PCED1B: variants seen among roughly 807,000 people sequenced by gnomAD.
PCED1B encodes the protein PC-esterase domain-containing protein 1B.
For missense variants in PCED1B, 573 were observed against 573.9 expected (o/e 1.00, Z 0.02); for synonymous variants, 251 against 246.1 (o/e 1.02, Z -0.19).
chr12:47,206,552 G>A (rs544107503), intron 2 of PCED1B: 1 of 152,222 alleles, frequency 6.6e-6, no homozygotes, highest in Non-Finnish European at 1.5e-5. Context: ...GGTGTGTTTT[G>A]CTCCACCTCC....
intron 2 of PCED1B, among the ~76,000 whole-genome samples, chr12:47,148,736 G>A (rs1433190091): frequency 6.6e-6 from 1 of 152,182 alleles, no homozygotes; most frequent in Non-Finnish European, 1.5e-5. Context: ...GGAAGGAAAT[G>A]CACCCTTAGT....
intron 1 of PCED1B, 194 bp downstream of exon 1, chr12:47,079,919 C>T (rs1291640184): frequency 6.6e-6 from 1 of 151,526 alleles, no homozygotes; most frequent in Non-Finnish European, 1.5e-5. Flanking sequence ...GGTCCCACCC[C>T]TGCGCGTCCT....
intron 2 of PCED1B, among the ~76,000 whole-genome samples, chr12:47,168,466 T>C (rs527690697): frequency 3.3e-5 from 5 of 152,316 alleles, no homozygotes; most frequent in East Asian, 1.9e-4. Context: ...TTTTCCTTTT[T>C]AGGTCTATTT....
chr12:47,182,242 G>A (rs1942117440), intron 2 of PCED1B, among the ~76,000 whole-genome samples: 1 of 152,166 alleles, frequency 6.6e-6, no homozygotes, highest in Non-Finnish European at 1.5e-5. Context: ...GGACCTAGAA[G>A]AATTCACTGT....
intron 2 of PCED1B, among the ~76,000 whole-genome samples, chr12:47,134,188 C>T (rs1940249848): frequency 6.6e-6 from 1 of 152,166 alleles, no homozygotes; most frequent in African/African-American, 2.4e-5. Context: ...ACATCATGGG[C>T]ATTTTGTGTC....
At position 47,195,086 on chromosome 12, in the gene PCED1B, T is replaced by C. The variant is rs35210620; in HGVS notation, c.-525-21136T>C. Among the ~76,000 whole-genome samples, 1,451 of 152,114 alleles carry C rather than the reference T, an allele frequency of 9.5e-3. 10 individuals are homozygous for C. The highest frequency in any genetic ancestry group is 0.017 in the Admixed American group (256 of 15,268). On this transcript the variant is annotated intron_variant, in intron 2 of 3. Transcript: ENST00000546455. ...GTGGCTCACGCCTATAATCCCAGCATTTGGGAGGCGGAGGCGGGTGGATCA... is the reference window on the plus strand; with the variant it reads ...GTGGCTCACGCCTATAATCCCAGCACTTGGGAGGCGGAGGCGGGTGGATCA...
At chr12:47,117,535 C>T (rs1299730069) in intron 2 of PCED1B, among the ~76,000 whole-genome samples, 5 of 152,090 alleles carry the variant, frequency 3.3e-5, no homozygotes, top group Admixed American at 1.3e-4. Flanking sequence ...ACTCATCCTT[C>T]TTTATGGCTG....
At chr12:47,169,268 A>T (rs138249659) in intron 2 of PCED1B, among the ~76,000 whole-genome samples, 1 of 152,186 alleles carries the variant, frequency 6.6e-6, no homozygotes, top group African/African-American at 2.4e-5. Context: ...AGCAAGGCCT[A>T]TTTGTTTGAA....
At chr12:47,137,321 T>C (rs755680273) in intron 2 of PCED1B, among the ~76,000 whole-genome samples, 1 of 152,214 alleles carries the variant, frequency 6.6e-6, no homozygotes, top group African/African-American at 2.4e-5. Flanking sequence ...TCTTCAAATA[T>C]AGATGTGATT....
intron 1 of PCED1B, among the ~76,000 whole-genome samples, chr12:47,101,878 G>A (rs1262624011): frequency 2.6e-5 from 4 of 151,982 alleles, no homozygotes; most frequent in Non-Finnish European, 4.4e-5. Context: ...CCCAGGAGGC[G>A]GAGGTTGCAG....
chr12:47,190,021 C>A (rs1460211589), intron 2 of PCED1B, among the ~76,000 whole-genome samples: 1 of 152,160 alleles, frequency 6.6e-6, no homozygotes, highest in African/African-American at 2.4e-5. Flanking sequence ...TGCTCAGACA[C>A]CTGCTTGAAG....
At chr12:47,107,169 T>C (rs886852565) in intron 2 of PCED1B, among the ~76,000 whole-genome samples, 2 of 152,176 alleles carry the variant, frequency 1.3e-5, no homozygotes, top group African/African-American at 4.8e-5. Context: ...TATTCTTCAT[T>C]GTTGATTCAT....
chr12:47,214,520 A>G (rs1194569414), intron 2 of PCED1B, among the ~76,000 whole-genome samples: 1 of 151,944 alleles, frequency 6.6e-6, no homozygotes, highest in Non-Finnish European at 1.5e-5. Context: ...AGAAAAAAAC[A>G]TTTTTGGCCA....
At chr12:47,164,794 A>G (rs2137522392) in intron 2 of PCED1B, among the ~76,000 whole-genome samples, 1 of 152,338 alleles carries the variant, frequency 6.6e-6, no homozygotes, top group Non-Finnish European at 1.5e-5. Context: ...AATTAATGCC[A>G]TGTGGACCTC....
intron 2 of PCED1B, among the ~76,000 whole-genome samples, chr12:47,199,897 G>A (rs1222185144): frequency 2.6e-5 from 4 of 152,094 alleles, no homozygotes; most frequent in Admixed American, 1.3e-4. Context: ...TAAGAACTTC[G>A]GCTTGGCAAA....
At position 47,208,458 on chromosome 12, in the gene PCED1B, C is replaced by T. The variant is rs142297297; in HGVS notation, c.-525-7764C>T. 291 of 152,442 alleles carry T rather than the reference C, an allele frequency of 1.9e-3. 2 individuals carry two copies. In the East Asian group the frequency reaches 0.025, roughly 13 times the overall value. The allele number at this position is 152,442 out of a possible 1,614,324, so 9.4% of individuals were successfully genotyped here. The stretch of plus-strand genomic sequence containing the variant: ...ACTCTGTCACTCAGGCTCTAGAGTG[C>T]AGTATCGCGATCTCGGCTCACTGCA... On this transcript the variant is annotated intron_variant, in intron 2 of 3. Transcript: ENST00000546455.
rs781406311 is a variant in PCED1B at position 47,217,401 on chromosome 12, C to CAG, written c.-58+728_-58+729dup. ...GCAACAGAGTGAGACAAGAAAGAAA[C>CAG]AGAGAGAGAGAGAGAGACAGAGAAA... On this transcript the variant is annotated intron_variant, in intron 3 of 3. Coordinates refer to ENST00000546455, the MANE Select transcript of PCED1B (RefSeq NM_138371.3). 2.1e-4 allele frequency among the ~76,000 whole-genome samples: 24 copies of CAG among 115,088 alleles called. 2 individuals carry two copies. Among genetic ancestry groups the CAG allele is most frequent in the Non-Finnish European group, 3.7e-4 (19 of 51,298 alleles). The allele number at this position is 115,088 out of a possible 152,430, so 75.5% of individuals were successfully genotyped here. A position where few individuals can be genotyped will look rare whatever the true frequency, so the allele number is the denominator to read the frequency against.
At chr12:47,125,767 A>G (rs966573649) in intron 2 of PCED1B, among the ~76,000 whole-genome samples, 2 of 152,094 alleles carry the variant, frequency 1.3e-5, no homozygotes, top group Admixed American at 6.6e-5. Context: ...TGATGCTATT[A>G]TAAAGGGAAT....
At chr12:47,220,210 T>C (rs1171459305) in intron 3 of PCED1B, among the ~76,000 whole-genome samples, 3 of 152,170 alleles carry the variant, frequency 2.0e-5, no homozygotes, top group Non-Finnish European at 2.9e-5. Flanking sequence ...CTCATTCTAT[T>C]GTCCAAGCTG....
Sources: allele counts gnomAD v4.1 joint callset (sites outside exome capture counted in the v4.1 genomes callset), GRCh38; gene constraint gnomAD v4.1.1; transcripts MANE v1.5; gene names NCBI Gene and HGNC (gene_info 2026-07-23, HGNC 2026-07-21).